TRAPPC9: variants seen among roughly 807,000 people sequenced by gnomAD.
TRAPPC9 encodes trafficking protein particle complex subunit 9, also known as IKK2 binding protein.
TRAPPC9 carries 83 observed loss-of-function variants against 124.0 expected under a neutral mutation model. The ratio of observed to expected loss-of-function variants is 0.67; its 90% CI spans 0.56 to 0.80. TRAPPC9 has a LOEUF of 0.80. Ranked by LOEUF, TRAPPC9 falls within the 30% of genes least tolerant of loss-of-function variation. The pLI is 0.00. For synonymous variants in TRAPPC9, 638 were observed against 617.5 expected (o/e 1.03, Z -0.49); for missense variants, 1,302 against 1,508.3 (o/e 0.86, Z 2.27).
At chr8:140,066,337 AC>A (rs1842894334) in intron 17 of TRAPPC9, among the ~76,000 whole-genome samples, 1 of 152,122 alleles carries the variant, frequency 6.6e-6, no homozygotes, top group Non-Finnish European at 1.5e-5. Context: ...GCCCCGGGAG[AC>A]CTGAGCCTAT....
rs1052968006 is a variant in TRAPPC9, at chr8:140,182,243, C to G, written c.2556+39216G>C. 1.3e-5 allele frequency among the ~76,000 whole-genome samples: 2 copies of G among 151,956 alleles called. No individual in the cohort carries two copies. Among genetic ancestry groups the G allele is most frequent in the Non-Finnish European group, 2.9e-5 (2 of 68,018 alleles). ...ATCCAAAAATTCTTTACATTATAGT[C>G]TCTGGGTTGAAGCAGGCAAATGTTT... is the stretch of plus-strand genomic sequence containing the variant. On this transcript the variant is annotated intron_variant, in intron 17 of 22. Coordinates refer to ENST00000438773, the MANE Select transcript of TRAPPC9 (RefSeq NM_001160372.4). The surrounding 1 kb of genome is among the most constrained non-coding windows in gnomAD (Gnocchi z 4.0).
chr8:139,877,150 A>G (rs975023950), intron 21 of TRAPPC9, among the ~76,000 whole-genome samples: 5 of 152,242 alleles, frequency 3.3e-5, no homozygotes, highest in Non-Finnish European at 5.9e-5. Context: ...ATGTCTATGA[A>G]AGACAGCACA....
intron 15 of TRAPPC9, among the ~76,000 whole-genome samples, chr8:140,273,831 C>T (rs986280327): frequency 4.2e-4 from 64 of 152,202 alleles, no homozygotes; most frequent in African/African-American, 1.5e-3. Flanking sequence ...GAAATGATTT[C>T]CTTGTTTCAC....
chr8:140,255,201 G>C (rs2064222380), intron 15 of TRAPPC9, among the ~76,000 whole-genome samples: 1 of 152,198 alleles, frequency 6.6e-6, no homozygotes, highest in African/African-American at 2.4e-5. Context: ...AAAGTGTTTA[G>C]AAACCACATC....
intron 19 of TRAPPC9, among the ~76,000 whole-genome samples, chr8:139,929,838 T>A (rs1226371262): frequency 2.0e-5 from 3 of 152,184 alleles, no homozygotes; most frequent in African/African-American, 4.8e-5. Context: ...TAAGCTGGGA[T>A]GGGCCTCTGG....
intron 21 of TRAPPC9, among the ~76,000 whole-genome samples, chr8:139,835,469 C>T (rs763409378): frequency 5.3e-5 from 8 of 152,228 alleles, no homozygotes; most frequent in Non-Finnish European, 1.0e-4. Flanking sequence ...CACGTTCGCC[C>T]GTGCTGTGCG....
At chr8:139,869,942 T>C (rs1199782151) in intron 21 of TRAPPC9, among the ~76,000 whole-genome samples, 4 of 152,134 alleles carry the variant, frequency 2.6e-5, no homozygotes, top group African/African-American at 9.7e-5. Flanking sequence ...TATCCTTAAA[T>C]AACTGTATTT....
intron 16 of TRAPPC9, among the ~76,000 whole-genome samples, chr8:140,243,432 A>C (rs1246271893): frequency 6.6e-6 from 1 of 152,228 alleles, no homozygotes; most frequent in Non-Finnish European, 1.5e-5. Flanking sequence ...AGAGTGGGGA[A>C]AAGCCTTAAA....
At chr8:139,828,462 A>C (rs1358067999) in intron 21 of TRAPPC9, among the ~76,000 whole-genome samples, 1 of 152,250 alleles carries the variant, frequency 6.6e-6, no homozygotes, top group Admixed American at 6.5e-5. Flanking sequence ...AAAGGTTGTC[A>C]ATTGAAGATA....
intron 19 of TRAPPC9, among the ~76,000 whole-genome samples, chr8:139,924,729 T>C (rs1341177233): frequency 6.6e-6 from 1 of 152,198 alleles, no homozygotes; most frequent in Non-Finnish European, 1.5e-5. Flanking sequence ...CTTTAACCCA[T>C]CATCAGCCAC....
intron 17 of TRAPPC9, among the ~76,000 whole-genome samples, chr8:140,170,003 G>A (rs2061933939): frequency 6.6e-6 from 1 of 152,184 alleles, no homozygotes; most frequent in African/African-American, 2.4e-5. Context: ...CTCCAGAAGT[G>A]CTGGGACTAC....
intron 18 of TRAPPC9, among the ~76,000 whole-genome samples, chr8:140,018,120 G>A (rs1211255645): frequency 1.3e-5 from 2 of 151,984 alleles, no homozygotes; most frequent in East Asian, 3.9e-4. Flanking sequence ...TGGGATTATA[G>A]GCATGAACCA....
chr8:140,316,934 T>A (rs1047124037), intron 9 of TRAPPC9, among the ~76,000 whole-genome samples: 2 of 152,242 alleles, frequency 1.3e-5, no homozygotes, highest in Non-Finnish European at 2.9e-5. Context: ...TATTTCTTCA[T>A]GATTCATTCT....
At chr8:140,137,583 G>A (rs185562945) in intron 17 of TRAPPC9, among the ~76,000 whole-genome samples, 9 of 152,302 alleles carry the variant, frequency 5.9e-5, no homozygotes, top group African/African-American at 1.4e-4. Context: ...AAGCCACTGC[G>A]GCAGGATCTC....
intron 20 of TRAPPC9, among the ~76,000 whole-genome samples, chr8:139,898,476 G>T (rs1830806000): frequency 6.6e-6 from 1 of 152,208 alleles, no homozygotes; most frequent in African/African-American, 2.4e-5. Context: ...GACCACCTAT[G>T]CAAGGCCACA....
chr8:140,032,641 T>C (rs1010803488), intron 17 of TRAPPC9, among the ~76,000 whole-genome samples: 17 of 152,222 alleles, frequency 1.1e-4, no homozygotes, highest in Non-Finnish European at 2.5e-4. Context: ...ACCCTAAAAA[T>C]TGGATTCATA....
At chr8:139,765,473 T>TA (rs1820521663) in intron 21 of TRAPPC9, among the ~76,000 whole-genome samples, 2 of 152,178 alleles carry the variant, frequency 1.3e-5, no homozygotes, top group Admixed American at 6.5e-5. Flanking sequence ...GCCAATATCT[T>TA]AAAGGACAGG....
At chr8:140,316,726 G>A (rs191974102) in intron 9 of TRAPPC9, among the ~76,000 whole-genome samples, 30 of 152,276 alleles carry the variant, frequency 2.0e-4, no homozygotes, top group African/African-American at 7.0e-4. Flanking sequence ...TGTTGATGGT[G>A]TGTCTTTCTC....
chr8:140,017,754 C>G (rs1839559688), intron 18 of TRAPPC9, among the ~76,000 whole-genome samples: 2 of 152,176 alleles, frequency 1.3e-5, no homozygotes, highest in African/African-American at 2.4e-5. Context: ...AAAAATCCTG[C>G]TAGGATTTTG....
Sources: gnomAD v4.1 joint callset for allele counts (sites outside exome capture counted in the v4.1 genomes callset) on GRCh38, gnomAD v4.1.1 for gene constraint, Gnocchi (gnomAD v3.1) non-coding constraint, MANE v1.5 for transcripts, NCBI Gene and HGNC (gene_info 2026-07-23, HGNC 2026-07-21) for gene names.